GPR17: variants seen among roughly 807,000 people sequenced by gnomAD.
The protein encoded by GPR17 is G protein-coupled receptor 17, also known as uracil nucleotide/cysteinyl leukotriene receptor.
Under a neutral mutation model 1.5 loss-of-function variants are expected in GPR17, and 4 were observed. The ratio of observed to expected loss-of-function variants is 2.73; its 90% CI spans 1.35 to 6.25. The LOEUF (loss-of-function observed/expected upper bound fraction) is 6.25, where lower values mean the gene tolerates loss of function less well. Ranked by LOEUF, GPR17 falls within the 30% of genes most tolerant of loss-of-function variation. GPR17 has a pLI of 0.00. For synonymous variants in GPR17, 209 were observed against 207.6 expected, an observed-to-expected ratio of 1.01 and a Z score of -0.06; for missense variants, 463 against 462.1, an observed-to-expected ratio of 1.00 and a Z score of -0.02.
At position 127,647,750 on chromosome 2, in the gene GPR17, A is replaced by G. The variant is rs773997409; in HGVS notation, c.-21+1506A>G. Among the ~76,000 whole-genome samples, 23 of 151,724 alleles carry G rather than the reference A, an allele frequency of 1.5e-4. No homozygotes were observed. The highest frequency in any genetic ancestry group is 1.9e-4 in the Non-Finnish European group (13 of 67,888). On this transcript the variant is annotated intron_variant, in intron 1 of 1. Transcript: ENST00000486700. This position sits in a 1 kb window ranked among gnomAD's most constrained non-coding sequence, Gnocchi z 4.3. Reference sequence around the variant, plus strand: ...CACCTGTGTGCCCCTCCCATCTACCATGGGCTGTCCTCTCTGCTTGCCCAT... The same window carrying G: ...CACCTGTGTGCCCCTCCCATCTACCGTGGGCTGTCCTCTCTGCTTGCCCAT...
chr2:127,649,181 A>AAGGT (rs1298393617), intron 1 of GPR17, among the ~76,000 whole-genome samples: 1 of 117,322 alleles, frequency 8.5e-6, no homozygotes, highest in African/African-American at 4.8e-5. Flanking sequence ...GGAAGGAAGG[A>AAGGT]AGGAAGGAAG....
At chr2:127,649,577 A>C (rs1218276270) in intron 1 of GPR17, among the ~76,000 whole-genome samples, 2 of 152,214 alleles carry the variant, frequency 1.3e-5, no homozygotes, top group African/African-American at 4.8e-5. Context: ...CTCTGGCCCC[A>C]CCGCCTGCCC....
intron 1 of GPR17, chr2:127,649,813 C>T: frequency 3.4e-6 from 2 of 583,648 alleles, no homozygotes; most frequent in South Asian, 2.1e-5. Context: ...GCCACGAGGC[C>T]TCCAGGCCTC....
chr2:127,651,059 C>T lies in GPR17; in HGVS notation c.324C>T (p.Gly108=). The change falls in exon 2 of 2, where the codon GGC becomes GGT. Residue 108 remains glycine, a synonymous_variant. Coordinates refer to ENST00000486700, the MANE Select transcript of GPR17 (RefSeq NM_001161417.2). ...GGGAAATCGCATGCCGTCTCACCGG[C>T]TTCCTCTTCTACCTCAACATGTACG... ...PFGEIACRLT[G]FLFYLNMYAS... 6.2e-7 allele frequency: 1 copy of T among 1,613,452 alleles called. No homozygotes were observed. Among genetic ancestry groups the T allele is most frequent in the East Asian group, 2.2e-5 (1 of 44,892 alleles).
chr2:127,651,644 G>T lies in GPR17; in HGVS notation c.909G>T (p.Lys303Asn). The T allele has an allele frequency of 6.2e-7, 1 of 1,613,492 alleles. No individual in the cohort carries two copies. Among genetic ancestry groups the T allele is most frequent in the Non-Finnish European group, 8.5e-7 (1 of 1,180,040 alleles). Residue 303 changes from lysine (K) to asparagine (N), a missense_variant, in exon 2 of 2, where the codon AAG becomes AAT. Coordinates refer to ENST00000486700, the MANE Select transcript of GPR17 (RefSeq NM_001161417.2). ...TCATGTATTTCTTCGTGGCTGAGAA[G>T]TTCCGCCACGCCCTGTGCAACTTGC... ...DPIMYFFVAE[K>N]FRHALCNLLC...
At chr2:127,650,382 C>A in intron 1 of GPR17, 2 of 532,388 alleles carry the variant, frequency 3.8e-6, no homozygotes, top group Non-Finnish European at 6.7e-6. Context: ...AGAGCCTCAC[C>A]CAGGCAAGGC....
At chr2:127,649,948 C>A in intron 1 of GPR17, 1 of 1,384,764 alleles carries the variant, frequency 7.2e-7, no homozygotes, top group Admixed American at 1.9e-5. Context: ...AGAGAAAATA[C>A]TCCCAGCTGG....
At chr2:127,649,963 A>G in intron 1 of GPR17, 1 of 1,494,188 alleles carries the variant, frequency 6.7e-7, no homozygotes, top group Non-Finnish European at 9.2e-7. Context: ...AGCTGGCCTG[A>G]TACCCAGGCA....
intron 1 of GPR17, among the ~76,000 whole-genome samples, chr2:127,650,266 C>G: frequency 6.6e-6 from 1 of 152,132 alleles, no homozygotes; most frequent in Non-Finnish European, 1.5e-5. Flanking sequence ...ACTCACCTGC[C>G]AAGGCTTGGG....
At position 127,651,376 on chromosome 2, in the gene GPR17, T is replaced by A; in HGVS notation, c.641T>A (p.Leu214Gln). The change falls in exon 2 of 2, where the codon CTG becomes CAG. Residue 214 changes from leucine to glutamine, a missense_variant. By Grantham distance (113) the Leu-to-Gln change is moderately radical. Transcript: ENST00000486700. ...PFITTVTCYL[L>Q]IIRSLRQGLR... ...ATCACCACGGTCACCTGCTACCTGC[T>A]GATCATCCGCAGCCTGCGGCAGGGC... 6.2e-7 allele frequency: 1 copy of A among 1,612,734 alleles called. No individual in the cohort carries two copies. The highest frequency in any genetic ancestry group is 8.5e-7 in the Non-Finnish European group (1 of 1,180,034).
chr2:127,648,662 G>A (rs1683260175), intron 1 of GPR17, among the ~76,000 whole-genome samples: 1 of 152,044 alleles, frequency 6.6e-6, no homozygotes, highest in Non-Finnish European at 1.5e-5. Context: ...AGCACTTTGG[G>A]AGGCCAAGGA....
intron 1 of GPR17, chr2:127,650,351 C>T (rs1025904536): frequency 5.5e-6 from 3 of 547,800 alleles, no homozygotes; most frequent in Non-Finnish European, 9.7e-6. Context: ...CAGCACACCT[C>T]AGAGGCAGAA....
rs1683914563 is a variant in GPR17 at position 127,652,526 on chromosome 2, G to A, written c.*771G>A. Reference sequence around the variant, plus strand: ...CTGACCCAGACCCACTTCCTCCAGAGAGGCCTCTCTCCGCCTGAGCTATTT... The same window carrying A: ...CTGACCCAGACCCACTTCCTCCAGAAAGGCCTCTCTCCGCCTGAGCTATTT... On this transcript the variant is annotated 3_prime_UTR_variant, in exon 2 of 2. Coordinates refer to ENST00000486700, the MANE Select transcript of GPR17 (RefSeq NM_001161417.2). 2.4e-5 allele frequency: 4 copies of A among 166,986 alleles called. No homozygotes were observed. In the South Asian group the frequency reaches 8.3e-4, roughly 35 times the overall value. 10.3% of individuals were successfully genotyped at this position (166,986 alleles called of 1,614,324 possible). A position where few individuals can be genotyped will look rare whatever the true frequency, so the allele number is the denominator to read the frequency against.
intron 1 of GPR17, chr2:127,650,003 C>A: frequency 1.2e-6 from 2 of 1,605,992 alleles, no homozygotes; most frequent in Non-Finnish European, 1.7e-6. Context: ...GGTCTCCCCA[C>A]CTGTCAGGAT....
intron 1 of GPR17, among the ~76,000 whole-genome samples, chr2:127,648,775 GC>G (rs1182039833): frequency 6.6e-6 from 1 of 151,724 alleles, no homozygotes; most frequent in Non-Finnish European, 1.5e-5. Context: ...ACAAAAATTA[GC>G]CGGGTGTGGT....
Position 127,648,290 on chromosome 2 carries a change from G to A in GPR17, c.-21+2046G>A, listed in dbSNP as rs1419440008. ...AAGCCGGGGGCAATCTTTTCAGGTA[G>A]GGGAACCTGCCTAGAGAAATAGCTA... On this transcript the variant is annotated intron_variant, in intron 1 of 1. Transcript: ENST00000486700. 3 of 677,328 alleles carry A rather than the reference G, an allele frequency of 4.4e-6. No individual in the cohort carries two copies. In the African/African-American group the frequency reaches 5.9e-5, roughly 13 times the overall value. The allele number at this position is 677,328 out of a possible 1,614,324, so 42.0% of individuals were successfully genotyped here.
intron 1 of GPR17, chr2:127,649,977 G>A: frequency 1.3e-6 from 2 of 1,581,316 alleles, no homozygotes; most frequent in South Asian, 1.1e-5. Context: ...CCAGGCACAG[G>A]CTTCTCCTAA....
At position 127,651,465 on chromosome 2, in the gene GPR17, T is replaced by C. The variant is rs146307498; in HGVS notation, c.730T>C (p.Phe244Leu). 6 of 1,612,956 alleles carry C rather than the reference T, an allele frequency of 3.7e-6. No individual in the cohort carries two copies. The highest frequency in any genetic ancestry group is 2.2e-5 in the East Asian group (1 of 44,892). ...VRMIAIVLAI[F>L]LVCFVPYHVN... ...CATGATCGCCATAGTGCTGGCCATCTTCCTGGTCTGCTTCGTGCCCTACCA... is the reference window on the plus strand; with the variant it reads ...CATGATCGCCATAGTGCTGGCCATCCTCCTGGTCTGCTTCGTGCCCTACCA... Residue 244 changes from phenylalanine (F) to leucine (L), a missense_variant, in exon 2 of 2, where the codon TTC becomes CTC. Phe to Leu is a conservative substitution (Grantham distance 22). Coordinates refer to ENST00000486700, the MANE Select transcript of GPR17 (RefSeq NM_001161417.2).
rs144128434 is a variant in GPR17, at chr2:127,650,999, G to A, written c.264G>A (p.Leu88=). The A allele has an allele frequency of 5.0e-6, 8 of 1,613,674 alleles. No homozygotes were observed. The highest frequency in any genetic ancestry group is 5.9e-6 in the Non-Finnish European group (7 of 1,180,046). The stretch of plus-strand genomic sequence containing the variant: ...GCGTGCTGGTCCTGCCCACCCGCCT[G>A]GTCTACCACTTCTCTGGGAACCACT... ...LSCVLVLPTR[L]VYHFSGNHWP... Residue 88 remains leucine, a synonymous_variant, in exon 2 of 2, where the codon CTG becomes CTA. Transcript: ENST00000486700.
Sources: gnomAD v4.1 joint callset for allele counts (sites outside exome capture counted in the v4.1 genomes callset) on GRCh38, gnomAD v4.1.1 for gene constraint, Gnocchi (gnomAD v3.1) non-coding constraint, MANE v1.5 for transcripts, NCBI Gene and HGNC (gene_info 2026-07-23, HGNC 2026-07-21) for gene names.